NME7: variants seen among roughly 807,000 people sequenced by gnomAD.
NME7 encodes NME/NM23 family member 7.
In NME7, 41 loss-of-function variants were observed where a neutral mutation model predicts 49.1. The observed-to-expected ratio is 0.83, with a 90% confidence interval of 0.65 to 1.08. The LOEUF (loss-of-function observed/expected upper bound fraction) is 1.08. Ranked by LOEUF, NME7 falls within the 50% of genes least tolerant of loss-of-function variation. The pLI is 0.00. For missense variants in NME7, 423 were observed against 463.4 expected (o/e 0.91, Z 0.80); for synonymous variants, 139 against 150.6 (o/e 0.92, Z 0.56).
At chr1:169,220,749 G>A (rs2154125) in intron 10 of NME7, among the ~76,000 whole-genome samples, 10,675 of 152,102 alleles carry the variant, frequency 0.07, 1,492 homozygotes, top group East Asian at 0.67. Context: ...ATACTTTCCT[G>A]AAAATGTATT....
chr1:169,157,639 T>C (rs912498715), intron 11 of NME7, among the ~76,000 whole-genome samples: 1 of 152,166 alleles, frequency 6.6e-6, no homozygotes, highest in Non-Finnish European at 1.5e-5. Context: ...GATTCCCCCA[T>C]TCAGAGACTG....
Position 169,324,518 on chromosome 1 carries a change from A to C in NME7, c.4-18T>G, listed in dbSNP as rs1460481405. Reference sequence around the variant, plus strand: ...CTATGATTCTGCAAAGAAAGACAGAAGAATTTTAACACTAACATATAAAGA... The same window carrying C: ...CTATGATTCTGCAAAGAAAGACAGACGAATTTTAACACTAACATATAAAGA... On this transcript the variant is annotated intron_variant, in intron 1 of 11. Transcript: ENST00000367811. 1 of 1,498,284 alleles carries C rather than the reference A, an allele frequency of 6.7e-7. No individual in the cohort carries two copies. Among genetic ancestry groups the C allele is most frequent in the Non-Finnish European group, 9.3e-7 (1 of 1,076,336 alleles). The allele number at this position is 1,498,284 out of a possible 1,614,324, so 92.8% of individuals were successfully genotyped here.
chr1:169,336,207 C>T (rs940048836), intron 1 of NME7, among the ~76,000 whole-genome samples: 1 of 151,980 alleles, frequency 6.6e-6, no homozygotes, highest in Non-Finnish European at 1.5e-5. Context: ...TCGCTGGGCT[C>T]AGGAGTGAAG....
At chr1:169,193,872 A>C (rs1660300657) in intron 10 of NME7, among the ~76,000 whole-genome samples, 1 of 150,460 alleles carries the variant, frequency 6.6e-6, no homozygotes, top group Non-Finnish European at 1.5e-5. Flanking sequence ...TGTTAAGCTG[A>C]GATCTTAAAG....
intron 10 of NME7, among the ~76,000 whole-genome samples, chr1:169,225,111 T>C (rs1005212798): frequency 6.6e-6 from 1 of 151,782 alleles, no homozygotes; most frequent in Non-Finnish European, 1.5e-5. Context: ...TAATATATAA[T>C]TTTTTTTTCT....
chr1:169,287,313 A>G lies in NME7; in HGVS notation c.744T>C (p.Ala248=). The G allele has an allele frequency of 6.2e-6, 10 of 1,611,188 alleles. No individual in the cohort carries two copies. Among genetic ancestry groups the G allele is most frequent in the Non-Finnish European group, 8.5e-6 (10 of 1,178,074 alleles). ...NCTCCIVKPH[A]VSEGLLGKIL... ...GTGTATTCAACATACCTTCACTGAC[A>G]GCATGGGGTTTAACAATGCAACAGG... The change falls in exon 7 of 12, where the codon GCT becomes GCC. Residue 248 remains alanine, a synonymous_variant. Coordinates refer to ENST00000367811, the MANE Select transcript of NME7 (RefSeq NM_013330.5).
In NME7 at chr1:169,256,205, C is replaced by T; in HGVS notation, c.755-18518G>A. Among the ~76,000 whole-genome samples the T allele has an allele frequency of 1.5e-5, 2 of 133,346 alleles. 1 individual carries two copies. 87.5% of individuals were successfully genotyped at this position (133,346 alleles called of 152,430 possible). ...CCCCATCACTTTCAGGTACACCAAT[C>T]AGACGTAGATTTGGTCTTTTCACAT... is the stretch of plus-strand genomic sequence containing the variant. On this transcript the variant is annotated intron_variant, in intron 7 of 11. Transcript: ENST00000367811.
intron 10 of NME7, among the ~76,000 whole-genome samples, chr1:169,227,091 C>T (rs1408895717): frequency 6.6e-6 from 1 of 152,140 alleles, no homozygotes; most frequent in Non-Finnish European, 1.5e-5. Context: ...ACTATTCACT[C>T]AGTAAATGTT....
intron 11 of NME7, among the ~76,000 whole-genome samples, chr1:169,165,724 T>C (rs1396750553): frequency 6.6e-6 from 1 of 152,234 alleles, no homozygotes; most frequent in African/African-American, 2.4e-5. Context: ...TCATTTGGCC[T>C]TTATGTATTT....
At chr1:169,244,320 TAGAG>T (rs1180621763) in intron 7 of NME7, among the ~76,000 whole-genome samples, 2 of 152,164 alleles carry the variant, frequency 1.3e-5, no homozygotes, top group Admixed American at 1.3e-4. Flanking sequence ...AACTGCTTAA[TAGAG>T]AGAACATCAT....
At chr1:169,342,136 G>A (rs908619311) in intron 1 of NME7, among the ~76,000 whole-genome samples, 15 of 152,058 alleles carry the variant, frequency 9.9e-5, no homozygotes, top group Non-Finnish European at 1.2e-4. Context: ...ATCTCATTTC[G>A]AATTGTAATC....
intron 7 of NME7, chr1:169,286,991 G>T: frequency 4.7e-6 from 1 of 210,706 alleles, no homozygotes; most frequent in Non-Finnish European, 9.0e-6. Flanking sequence ...AGTAAATTAA[G>T]TGAATCACAA....
At chr1:169,323,657 T>C (rs1378189469) in intron 2 of NME7, among the ~76,000 whole-genome samples, 1 of 152,126 alleles carries the variant, frequency 6.6e-6, no homozygotes, top group African/African-American at 2.4e-5. Flanking sequence ...CTTGTTAAAA[T>C]TGTGTTGCCA....
chr1:169,186,347 C>G (rs1660065711), intron 10 of NME7, among the ~76,000 whole-genome samples: 1 of 152,128 alleles, frequency 6.6e-6, no homozygotes, highest in African/African-American at 2.4e-5. Flanking sequence ...TAGGAACACA[C>G]AGGCTAAGGA....
chr1:169,278,803 A>G (rs915223676), intron 7 of NME7, among the ~76,000 whole-genome samples: 7 of 152,064 alleles, frequency 4.6e-5, no homozygotes, highest in Non-Finnish European at 7.4e-5. Flanking sequence ...TTTTTTCCCC[A>G]TCTTTGTGGT....
chr1:169,348,832 A>G (rs2101972426), intron 1 of NME7, among the ~76,000 whole-genome samples: 1 of 152,076 alleles, frequency 6.6e-6, no homozygotes, highest in African/African-American at 2.4e-5. Context: ...TCCACTAGAA[A>G]CTGAGTTTTT....
chr1:169,277,625 C>G (rs1371471347), intron 7 of NME7, among the ~76,000 whole-genome samples: 39 of 86,792 alleles, frequency 4.5e-4, no homozygotes, highest in Non-Finnish European at 6.8e-4. Context: ...ACTGATGGGT[C>G]TTGACTCTTT....
chr1:169,296,169 G>A (rs1050771651), intron 6 of NME7, among the ~76,000 whole-genome samples: 9 of 152,004 alleles, frequency 5.9e-5, no homozygotes, highest in Non-Finnish European at 1.2e-4. Flanking sequence ...AAAAAAAGTT[G>A]TCTATATTCA....
At chr1:169,170,876 G>A (rs770974314) in intron 10 of NME7, among the ~76,000 whole-genome samples, 4 of 152,146 alleles carry the variant, frequency 2.6e-5, no homozygotes, top group East Asian at 3.9e-4. Flanking sequence ...GCAGTGAGCC[G>A]AGACTGTGCA....
Sources: gnomAD v4.1 joint callset for allele counts (sites outside exome capture counted in the v4.1 genomes callset) on GRCh38, gnomAD v4.1.1 for gene constraint, MANE v1.5 for transcripts, NCBI Gene and HGNC (gene_info 2026-07-23, HGNC 2026-07-21) for gene names.